SMOC2: variants seen among roughly 807,000 people sequenced by gnomAD.
SMOC2 encodes SPARC related modular calcium binding 2, also known as SPARC-related modular calcium-binding protein 2.
In SMOC2, 39 loss-of-function variants were observed where a neutral mutation model predicts 61.4. The observed-to-expected ratio is 0.64, with a 90% CI of 0.49 to 0.83. The LOEUF is 0.83. Among genes scored for constraint, SMOC2 ranks in the 40% least tolerant of loss-of-function variants. The pLI is 0.00. For synonymous variants in SMOC2, 247 were observed against 239.9 expected (o/e 1.03, Z -0.27); for missense variants, 556 against 592.9 (o/e 0.94, Z 0.65).
intron 7 of SMOC2, among the ~76,000 whole-genome samples, chr6:168,560,520 G>A (rs10945515): frequency 0.45 from 36,718 of 80,770 alleles, 9,278 homozygotes; most frequent in East Asian, 0.7. Context: ...CTCTCACTGC[G>A]TTCTTGGAGG....
intron 8 of SMOC2, among the ~76,000 whole-genome samples, chr6:168,604,660 GA>G: frequency 6.6e-6 from 1 of 152,286 alleles, no homozygotes; most frequent in African/African-American, 2.4e-5. Flanking sequence ...TGATGGGGAA[GA>G]AACATTTAAT....
intron 12 of SMOC2, chr6:168,664,503 C>T (rs1015088796): frequency 3.0e-5 from 12 of 394,794 alleles, no homozygotes; most frequent in East Asian, 2.9e-4. Flanking sequence ...CATGCGCCAC[C>T]GTACCCGGCT....
At chr6:168,474,916 G>A (rs560133482) in intron 1 of SMOC2, among the ~76,000 whole-genome samples, 10 of 152,304 alleles carry the variant, frequency 6.6e-5, no homozygotes, top group African/African-American at 2.2e-4. Flanking sequence ...TTATGGGGAT[G>A]CATTTGTGAT....
At chr6:168,563,140 G>C (rs1017170053) in intron 7 of SMOC2, among the ~76,000 whole-genome samples, 1 of 152,202 alleles carries the variant, frequency 6.6e-6, no homozygotes, top group Non-Finnish European at 1.5e-5. Context: ...GAAAAAGCAG[G>C]TATTCATCGC....
chr6:168,551,259 A>T (rs1210638632), intron 7 of SMOC2, among the ~76,000 whole-genome samples: 1 of 152,144 alleles, frequency 6.6e-6, no homozygotes, highest in East Asian at 1.9e-4. Context: ...GAGTCCATTA[A>T]ACCTCTTTCG....
At chr6:168,519,110 C>T (rs983717972) in intron 2 of SMOC2, among the ~76,000 whole-genome samples, 6 of 113,820 alleles carry the variant, frequency 5.3e-5, no homozygotes, top group Admixed American at 9.2e-5. Context: ...TGTGTGAACG[C>T]GTGTGTATGC....
intron 9 of SMOC2, among the ~76,000 whole-genome samples, chr6:168,650,197 G>A (rs928553568): frequency 4.6e-5 from 7 of 152,190 alleles, no homozygotes; most frequent in African/African-American, 1.7e-4. Flanking sequence ...GGAGACGGGC[G>A]TTGGGGAGCT....
chr6:168,602,183 G>A (rs1785570332), intron 8 of SMOC2, among the ~76,000 whole-genome samples: 1 of 152,156 alleles, frequency 6.6e-6, no homozygotes, highest in Admixed American at 6.5e-5. Context: ...CAGAACTGCT[G>A]TCCCTTGCTG....
At position 168,543,660 on chromosome 6, in the gene SMOC2, A is replaced by C; in HGVS notation, c.499A>C (p.Thr167Pro). 3 of 1,613,694 alleles carry C rather than the reference A, an allele frequency of 1.9e-6. No individual in the cohort carries two copies. Among genetic ancestry groups the C allele is most frequent in the Non-Finnish European group, 2.5e-6 (3 of 1,179,592 alleles). The change falls in exon 5 of 13, where the codon ACA (threonine) becomes CCA (proline). Residue 167 changes from threonine to proline, a missense_variant. Coordinates refer to ENST00000356284, the MANE Select transcript of SMOC2 (RefSeq NM_001166412.2). The part of the protein sequence containing the change: ...VNEKLPQREG[T>P]GKTDDAAAPA... ...TGAAAAGTTACCCCAACGCGAAGGCACAGGAAAAACAGGTAACTATCTTAG... is the reference window on the plus strand; with the variant it reads ...TGAAAAGTTACCCCAACGCGAAGGCCCAGGAAAAACAGGTAACTATCTTAG...
chr6:168,451,288 AATTGACACTT>A (rs1781454902), intron 1 of SMOC2, among the ~76,000 whole-genome samples: 1 of 152,178 alleles, frequency 6.6e-6, no homozygotes, highest in Non-Finnish European at 1.5e-5. Flanking sequence ...CTCATCCAAT[AATTGACACTT>A]TGTGAAGAAC....
At chr6:168,642,518 G>A (rs1786918665) in intron 9 of SMOC2, among the ~76,000 whole-genome samples, 2 of 151,846 alleles carry the variant, frequency 1.3e-5, no homozygotes, top group South Asian at 4.1e-4. Flanking sequence ...CACTGGCCAG[G>A]ACTTCTTTCT....
chr6:168,603,242 CTTT>C lies in SMOC2; in HGVS notation c.824+4260_824+4262del, dbSNP rs35236951. On this transcript the variant is annotated intron_variant, in intron 8 of 12. Coordinates refer to ENST00000356284, the MANE Select transcript of SMOC2 (RefSeq NM_001166412.2). ...ATGCCAAACTGTGAGTCAATTAAAC[CTTT>C]TTTTTTTTTTTTTTTTTTTTTAGAA... is the stretch of plus-strand genomic sequence containing the variant. Among the ~76,000 whole-genome samples, 624 of 96,342 alleles carry C rather than the reference CTTT, an allele frequency of 6.5e-3. 5 individuals are homozygous for C. Among genetic ancestry groups the C allele is most frequent in the African/African-American group, 0.018 (491 of 26,630 alleles). The allele number at this position is 96,342 out of a possible 152,430, so 63.2% of individuals were successfully genotyped here.
At chr6:168,472,689 C>T (rs1781989482) in intron 1 of SMOC2, among the ~76,000 whole-genome samples, 1 of 152,046 alleles carries the variant, frequency 6.6e-6, no homozygotes, top group African/African-American at 2.4e-5. Flanking sequence ...AAATTATCAT[C>T]CTCTTGCAAA....
At chr6:168,576,664 G>T (rs1169414687) in intron 7 of SMOC2, among the ~76,000 whole-genome samples, 1 of 152,024 alleles carries the variant, frequency 6.6e-6, no homozygotes, top group Non-Finnish European at 1.5e-5. Flanking sequence ...TCTAAGTGCA[G>T]TGGGATCCTC....
intron 7 of SMOC2, among the ~76,000 whole-genome samples, chr6:168,576,498 C>T (rs12191284): frequency 0.11 from 17,380 of 152,026 alleles, 1,249 homozygotes; most frequent in African/African-American, 0.17. Flanking sequence ...AAAGTGGTTC[C>T]GACCCCACGG....
intron 1 of SMOC2, among the ~76,000 whole-genome samples, chr6:168,486,300 T>C (rs529523481): frequency 6.6e-6 from 1 of 152,288 alleles, no homozygotes; most frequent in African/African-American, 2.4e-5. Flanking sequence ...CAGCACTTTA[T>C]CCATCCAACA....
At position 168,475,255 on chromosome 6, in the gene SMOC2, G is replaced by C. The variant is rs1231954143; in HGVS notation, c.84+33801G>C. Reference sequence around the variant, plus strand: ...AGCTAAACTTTGAAGTGTGTGGAAGGCAGCTTGGATAGTCCTGGCATGTTT... The same window carrying C: ...AGCTAAACTTTGAAGTGTGTGGAAGCCAGCTTGGATAGTCCTGGCATGTTT... On this transcript the variant is annotated intron_variant, in intron 1 of 12. Coordinates refer to ENST00000356284, the MANE Select transcript of SMOC2 (RefSeq NM_001166412.2). This position sits in a 1 kb window ranked among gnomAD's most constrained non-coding sequence, Gnocchi z 4.6. Among the ~76,000 whole-genome samples, 2 of 152,190 alleles carry C rather than the reference G, an allele frequency of 1.3e-5. No homozygotes were observed. Among genetic ancestry groups the C allele is most frequent in the East Asian group, 3.9e-4 (2 of 5,182 alleles).
At chr6:168,638,697 C>T (rs1786810715) in intron 9 of SMOC2, among the ~76,000 whole-genome samples, 1 of 152,096 alleles carries the variant, frequency 6.6e-6, no homozygotes, top group African/African-American at 2.4e-5. Flanking sequence ...TGCGAAGGTG[C>T]CCCGGGCTGG....
chr6:168,538,264 C>G (rs563003782), intron 4 of SMOC2, among the ~76,000 whole-genome samples: 292 of 20,896 alleles, frequency 0.014, 2 homozygotes, highest in South Asian at 0.057. Flanking sequence ...GAATCTGGGG[C>G]AGTGGGGTGA....
Sources: allele counts gnomAD v4.1 joint callset (sites outside exome capture counted in the v4.1 genomes callset), GRCh38; gene constraint gnomAD v4.1.1; non-coding constraint Gnocchi (gnomAD v3.1); transcripts MANE v1.5; gene names NCBI Gene and HGNC (gene_info 2026-07-23, HGNC 2026-07-21).